The following CNTNAP2 variants were observed in gnomAD, a reference collection of about 807,000 sequenced individuals.
The protein encoded by CNTNAP2 is contactin associated protein 2, also known as contactin-associated protein-like 2.
In CNTNAP2, 98 loss-of-function variants were observed where a neutral mutation model predicts 155.2. The ratio of observed to expected loss-of-function variants is 0.63; its 90% CI spans 0.54 to 0.75. The LOEUF (loss-of-function observed/expected upper bound fraction) is 0.75, where lower values mean the gene tolerates loss of function less well. Ranked by LOEUF, CNTNAP2 falls within the 30% of genes least tolerant of loss-of-function variation. The pLI is 0.00. For missense variants in CNTNAP2, 1,727 were observed against 1,688.1 expected (o/e 1.02, Z -0.40); for synonymous variants, 651 against 631.2 (o/e 1.03, Z -0.47).
At chr7:148,173,769 G>A (rs1249276294) in intron 18 of CNTNAP2, among the ~76,000 whole-genome samples, 1 of 152,238 alleles carries the variant, frequency 6.6e-6, no homozygotes, top group Non-Finnish European at 1.5e-5. Context: ...AGAAATGACA[G>A]TCTTGCAATT....
chr7:146,889,090 T>C (rs575856742), intron 3 of CNTNAP2, among the ~76,000 whole-genome samples: 1 of 152,218 alleles, frequency 6.6e-6, no homozygotes, highest in African/African-American at 2.4e-5. Context: ...ATGGTGATGA[T>C]GGTTTCACCA....
chr7:148,076,273 T>C (rs533646227), intron 15 of CNTNAP2, among the ~76,000 whole-genome samples: 10 of 152,086 alleles, frequency 6.6e-5, no homozygotes, highest in African/African-American at 2.4e-4. Flanking sequence ...TTGGGCATGT[T>C]GTTGATATCT....
chr7:147,189,149 AT>A (rs1385236845), intron 8 of CNTNAP2, among the ~76,000 whole-genome samples: 4 of 152,150 alleles, frequency 2.6e-5, no homozygotes, highest in Admixed American at 6.5e-5. Context: ...GTTATGTGAA[AT>A]TTCTCTCCTA....
intron 21 of CNTNAP2, among the ~76,000 whole-genome samples, chr7:148,366,893 A>G (rs150144133): frequency 1.3e-5 from 2 of 152,254 alleles, no homozygotes; most frequent in African/African-American, 2.4e-5. Flanking sequence ...AGCTGTCTCC[A>G]TAGCATGGCA....
chr7:146,217,359 G>T lies in CNTNAP2; in HGVS notation c.97+100386G>T, dbSNP rs150387591. On this transcript the variant is annotated intron_variant, in intron 1 of 23. Transcript: ENST00000361727. ...CTCTTTATGACAATCCTGTGAAATA[G>T]TTGCTCTTTTCTTAACTTTTATTTC... Among the ~76,000 whole-genome samples the T allele has an allele frequency of 2.4e-3, 370 of 152,292 alleles. 4 individuals are homozygous for T. The highest frequency in any genetic ancestry group is 8.5e-3 in the African/African-American group (354 of 41,564).
chr7:146,821,533 CA>C (rs1803283104), intron 2 of CNTNAP2, among the ~76,000 whole-genome samples: 1 of 152,038 alleles, frequency 6.6e-6, no homozygotes, highest in Admixed American at 6.6e-5. Context: ...AGTGAACAGG[CA>C]ACCTACGAAA....
intron 14 of CNTNAP2, among the ~76,000 whole-genome samples, chr7:147,948,638 C>CACACAT: frequency 6.7e-6 from 1 of 149,244 alleles, no homozygotes; most frequent in South Asian, 2.1e-4. Flanking sequence ...TACACACACA[C>CACACAT]ACACATATAC....
At chr7:147,485,555 T>G (rs139915725) in intron 10 of CNTNAP2, among the ~76,000 whole-genome samples, 7 of 152,316 alleles carry the variant, frequency 4.6e-5, no homozygotes, top group African/African-American at 1.7e-4. Flanking sequence ...GTTTTTGGCT[T>G]GACAAAGAAT....
chr7:148,175,093 T>C (rs1794909418), intron 18 of CNTNAP2, among the ~76,000 whole-genome samples: 1 of 152,220 alleles, frequency 6.6e-6, no homozygotes, highest in Non-Finnish European at 1.5e-5. Context: ...GAACTCATTC[T>C]TTTTACAGCT....
At chr7:147,121,289 C>T in intron 6 of CNTNAP2, 126 bp downstream of exon 6, 1 of 911,166 alleles carries the variant, frequency 1.1e-6, no homozygotes, top group African/African-American at 1.7e-5. Flanking sequence ...AAACAAGACA[C>T]TGACAATTTT....
chr7:147,658,256 C>CAAAAA (rs11358943), intron 13 of CNTNAP2, among the ~76,000 whole-genome samples: 1 of 95,376 alleles, frequency 1.0e-5, no homozygotes. Flanking sequence ...GACTCCGTCC[C>CAAAAA]AAAAAAAAAA....
chr7:147,090,980 T>A (rs1800391913), intron 4 of CNTNAP2, among the ~76,000 whole-genome samples: 1 of 152,038 alleles, frequency 6.6e-6, no homozygotes, highest in Non-Finnish European at 1.5e-5. Flanking sequence ...AAATTAAAAA[T>A]AAATGAAAAA....
chr7:146,187,349 G>A (rs1257304131), intron 1 of CNTNAP2, among the ~76,000 whole-genome samples: 1 of 152,176 alleles, frequency 6.6e-6, no homozygotes. Flanking sequence ...CCTGATGGCT[G>A]CTTTTGGCAA....
intron 8 of CNTNAP2, among the ~76,000 whole-genome samples, chr7:147,280,697 T>G (rs1805015697): frequency 6.6e-6 from 1 of 151,940 alleles, no homozygotes; most frequent in Admixed American, 6.6e-5. Flanking sequence ...AACTGTTATA[T>G]TCACATTAAC....
At chr7:147,525,816 C>T (rs1799308827) in intron 11 of CNTNAP2, among the ~76,000 whole-genome samples, 1 of 152,052 alleles carries the variant, frequency 6.6e-6, no homozygotes, top group Admixed American at 6.5e-5. Flanking sequence ...ATGTTGTTTC[C>T]TAAATTTATT....
At chr7:146,617,017 TTTTG>T (rs60769170) in intron 1 of CNTNAP2, among the ~76,000 whole-genome samples, 6 of 151,274 alleles carry the variant, frequency 4.0e-5, no homozygotes, top group Admixed American at 6.6e-5. Context: ...AACCTGGTTT[TTTTG>T]TTTGTTTGTT....
At chr7:146,452,387 A>G (rs954439595) in intron 1 of CNTNAP2, among the ~76,000 whole-genome samples, 14 of 152,208 alleles carry the variant, frequency 9.2e-5, no homozygotes, top group Admixed American at 3.3e-4. Context: ...TAAATATTCA[A>G]TAAATATTTG....
At chr7:147,587,822 T>C (rs1800659855) in intron 12 of CNTNAP2, among the ~76,000 whole-genome samples, 1 of 152,174 alleles carries the variant, frequency 6.6e-6, no homozygotes. Flanking sequence ...CTTTATTGTG[T>C]GTGTTTTTTC....
chr7:146,748,973 T>G (rs1801858218), intron 1 of CNTNAP2, among the ~76,000 whole-genome samples: 1 of 152,190 alleles, frequency 6.6e-6, no homozygotes, highest in Non-Finnish European at 1.5e-5. Flanking sequence ...CTATTAAAGC[T>G]CCTCTAATTT....
Sources: allele counts gnomAD v4.1 joint callset (sites outside exome capture counted in the v4.1 genomes callset), GRCh38; gene constraint gnomAD v4.1.1; transcripts MANE v1.5; gene names NCBI Gene and HGNC (gene_info 2026-07-23, HGNC 2026-07-21).